The following PDS5B variants were observed in gnomAD, a reference collection of about 807,000 sequenced individuals.
PDS5B encodes PDS5 cohesin associated factor B, also known as sister chromatid cohesion protein PDS5 homolog B.
A neutral mutation model predicts 184.1 loss-of-function variants in PDS5B; 51 were observed. That is an observed-to-expected ratio of 0.28 (90% confidence interval 0.22 to 0.35). The LOEUF is 0.35. Ranked by LOEUF, PDS5B falls within the 10% of genes least tolerant of loss-of-function variation. The pLI, the probability that PDS5B is intolerant of heterozygous loss-of-function variation, is 1.00. For synonymous variants in PDS5B, 566 were observed against 569.2 expected, an observed-to-expected ratio of 0.99 and a Z score of 0.08; for missense variants, 1,180 against 1,723.3, an observed-to-expected ratio of 0.68 and a Z score of 5.58.
chr13:32,757,576 TC>T lies in PDS5B; in HGVS notation c.3057-508del, dbSNP rs538958988. Among the ~76,000 whole-genome samples the T allele has an allele frequency of 8.8e-4, 134 of 152,348 alleles. 2 individuals carry two copies. The highest frequency in any genetic ancestry group is 3.2e-3 in the African/African-American group (133 of 41,584). ...GCTACTGAAGCTTTCTTTTAATTTT[TC>T]CCTTTTTAAGCAAAGACAATGCTTA... is the stretch of plus-strand genomic sequence containing the variant. On this transcript the variant is annotated intron_variant, in intron 26 of 34. Coordinates refer to ENST00000315596, the MANE Select transcript of PDS5B (RefSeq NM_015032.4).
chr13:32,616,213 C>T (rs1164757915), intron 1 of PDS5B, among the ~76,000 whole-genome samples: 1 of 152,044 alleles, frequency 6.6e-6, no homozygotes, highest in Non-Finnish European at 1.5e-5. Context: ...GCCACCACAC[C>T]CAGCTAATTT....
intron 10 of PDS5B, among the ~76,000 whole-genome samples, chr13:32,680,816 A>G (rs1274789273): frequency 2.6e-5 from 4 of 152,324 alleles, no homozygotes; most frequent in Non-Finnish European, 4.4e-5. Flanking sequence ...TTTAAGAGAC[A>G]GGGTCTTACT....
At chr13:32,767,777 A>G (rs1226060745) in intron 31 of PDS5B, among the ~76,000 whole-genome samples, 1 of 152,182 alleles carries the variant, frequency 6.6e-6, no homozygotes, top group East Asian at 1.9e-4. Flanking sequence ...AAAAAGGATG[A>G]AAGTTTTTTT....
intron 26 of PDS5B, among the ~76,000 whole-genome samples, chr13:32,756,806 G>T (rs1402866694): frequency 6.6e-6 from 1 of 151,984 alleles, no homozygotes; most frequent in Non-Finnish European, 1.5e-5. Context: ...TTTTCCCACT[G>T]CAGTTTCCTT....
At chr13:32,590,582 A>G (rs548195142) in intron 1 of PDS5B, among the ~76,000 whole-genome samples, 67 of 152,340 alleles carry the variant, frequency 4.4e-4, no homozygotes, top group Admixed American at 3.7e-3. Context: ...AGGGGCTCTT[A>G]TAACCAAGAC....
At chr13:32,760,944 C>G (rs116115101) in intron 30 of PDS5B, among the ~76,000 whole-genome samples, 312 of 152,268 alleles carry the variant, frequency 2.0e-3, no homozygotes, top group African/African-American at 7.3e-3. Context: ...TGGGGGTAAT[C>G]TGTGTTAGTA....
chr13:32,686,134 A>G (rs149060398), intron 11 of PDS5B, among the ~76,000 whole-genome samples: 1,806 of 152,312 alleles, frequency 0.012, 43 homozygotes, highest in African/African-American at 0.042. Context: ...CAGATTCATG[A>G]TGTTTTCAAC....
intron 1 of PDS5B, among the ~76,000 whole-genome samples, chr13:32,588,641 C>T (rs1038346905): frequency 3.9e-5 from 6 of 151,952 alleles, no homozygotes; most frequent in African/African-American, 1.5e-4. Context: ...CTCTTGTAGG[C>T]TTTGTTCTCT....
At chr13:32,734,163 G>T (rs2140955987) in intron 20 of PDS5B, among the ~76,000 whole-genome samples, 1 of 152,092 alleles carries the variant, frequency 6.6e-6, no homozygotes, top group South Asian at 2.1e-4. Context: ...GAGTAGCTGG[G>T]ACTACAGGCG....
intron 13 of PDS5B, among the ~76,000 whole-genome samples, chr13:32,693,700 A>C (rs1951618636): frequency 6.7e-6 from 1 of 149,968 alleles, no homozygotes; most frequent in African/African-American, 2.4e-5. Flanking sequence ...ACGACATTAT[A>C]ATACAATATT....
chr13:32,750,704 G>C (rs1202937589), intron 24 of PDS5B, among the ~76,000 whole-genome samples: 1 of 152,060 alleles, frequency 6.6e-6, no homozygotes, highest in Non-Finnish European at 1.5e-5. Flanking sequence ...ACCACACCTG[G>C]CTAATTATTG....
At chr13:32,732,002 C>A in intron 19 of PDS5B, 99 bp from the exon 20 acceptor site, 2 of 1,002,554 alleles carry the variant, frequency 2.0e-6, no homozygotes, top group Non-Finnish European at 1.4e-6. Flanking sequence ...TTTTTCTGAC[C>A]TTGTAAATCA....
At chr13:32,760,457 A>C in intron 29 of PDS5B, 118 bp from the exon 30 acceptor site, 2 of 902,504 alleles carry the variant, frequency 2.2e-6, no homozygotes, top group South Asian at 1.8e-5. Flanking sequence ...TTAAGGATAG[A>C]CACATTTTTC....
intron 1 of PDS5B, among the ~76,000 whole-genome samples, chr13:32,599,884 C>T (rs1400850058): frequency 6.6e-6 from 1 of 152,076 alleles, no homozygotes; most frequent in Non-Finnish European, 1.5e-5. Flanking sequence ...CAGTGTGCTC[C>T]AGCCTGGGTG....
chr13:32,703,924 CA>C (rs1394103083), intron 17 of PDS5B, among the ~76,000 whole-genome samples: 1 of 151,824 alleles, frequency 6.6e-6, no homozygotes, highest in African/African-American at 2.4e-5. Context: ...TTTATTTTTC[CA>C]TAGGGACTCA....
At chr13:32,743,448 A>G (rs769387770) in intron 23 of PDS5B, among the ~76,000 whole-genome samples, 2 of 152,192 alleles carry the variant, frequency 1.3e-5, no homozygotes, top group African/African-American at 2.4e-5. Context: ...ATTGATGATA[A>G]TGGTGGTTAT....
intron 24 of PDS5B, among the ~76,000 whole-genome samples, chr13:32,749,436 T>C (rs1462990207): frequency 2.6e-5 from 4 of 152,190 alleles, no homozygotes; most frequent in Non-Finnish European, 4.4e-5. Flanking sequence ...GCTGCTGTTA[T>C]GTATTTGAAC....
At chr13:32,715,454 A>C (rs1228603617) in intron 19 of PDS5B, among the ~76,000 whole-genome samples, 1 of 152,112 alleles carries the variant, frequency 6.6e-6, no homozygotes, top group African/African-American at 2.4e-5. Flanking sequence ...GTCTTTGCCT[A>C]TCATTTTAGT....
chr13:32,746,281 CAT>C (rs1332254109), intron 24 of PDS5B, among the ~76,000 whole-genome samples, 181 bp downstream of exon 24: 3 of 152,278 alleles, frequency 2.0e-5, no homozygotes, highest in Non-Finnish European at 2.9e-5. Context: ...GGGTTGCTAA[CAT>C]AGTACAGTTG....
Sources: allele counts gnomAD v4.1 joint callset (sites outside exome capture counted in the v4.1 genomes callset), GRCh38; gene constraint gnomAD v4.1.1; transcripts MANE v1.5; gene names NCBI Gene and HGNC (gene_info 2026-07-23, HGNC 2026-07-21).